Variants in NOS3 observed in about 807,000 individuals in gnomAD.
The protein encoded by NOS3 is nitric oxide synthase 3.
NOS3 carries 98 observed loss-of-function variants against 144.9 expected under a neutral mutation model. The observed-to-expected ratio is 0.68, with a 90% CI of 0.57 to 0.80. The LOEUF is 0.80. Ranked by LOEUF, NOS3 falls within the 30% of genes least tolerant of loss-of-function variation. The pLI is 0.00. For synonymous variants in NOS3, 714 were observed against 702.4 expected, an observed-to-expected ratio of 1.02 and a Z score of -0.26; for missense variants, 1,465 against 1,656.4, an observed-to-expected ratio of 0.88 and a Z score of 2.01.
rs370112157 is a variant in NOS3 at position 151,000,009 on chromosome 7, G to A, written c.1132-489G>A. ...GTGGGTTTGTGGGGTGTGTAGGGGCGAGTGTGAGAGTGTAGGTATGTGGGT... is the reference window on the plus strand; with the variant it reads ...GTGGGTTTGTGGGGTGTGTAGGGGCAAGTGTGAGAGTGTAGGTATGTGGGT... On this transcript the variant is annotated intron_variant, in intron 9 of 26. Transcript: ENST00000297494. 6.9e-5 allele frequency among the ~76,000 whole-genome samples: 10 copies of A among 145,676 alleles called. No homozygotes were observed. In the East Asian group the frequency reaches 2.1e-3, roughly 31 times the overall value.
intron 14 of NOS3, among the ~76,000 whole-genome samples, chr7:151,004,731 A>T (rs917486572): frequency 3.3e-5 from 5 of 152,250 alleles, no homozygotes; most frequent in African/African-American, 9.6e-5. Flanking sequence ...GTTCAGAAAC[A>T]GGCAGAACTA....
At chr7:151,009,742 C>G (rs912935540) in intron 20 of NOS3, among the ~76,000 whole-genome samples, 157 bp downstream of exon 20, 2 of 152,148 alleles carry the variant, frequency 1.3e-5, no homozygotes, top group Non-Finnish European at 2.9e-5. Context: ...TGCCCACTGC[C>G]GGGCTGGCCT....
At chr7:150,994,414 C>G (rs1240739831) in intron 2 of NOS3, among the ~76,000 whole-genome samples, 4 of 152,162 alleles carry the variant, frequency 2.6e-5, no homozygotes, top group Non-Finnish European at 4.4e-5. Flanking sequence ...TGGGGTCTCC[C>G]AGAAGAGGGA....
chr7:150,992,057 G>A (rs1170327969), intron 1 of NOS3, among the ~76,000 whole-genome samples: 1 of 151,706 alleles, frequency 6.6e-6, no homozygotes. Flanking sequence ...GGGAGGCTGA[G>A]GCATGAGAAT....
In NOS3 at chr7:151,009,458, G is replaced by A. The variant is rs776809785; in HGVS notation, c.2385G>A (p.Pro795=). 2.5e-5 allele frequency: 39 copies of A among 1,548,046 alleles called. No homozygotes were observed. Among genetic ancestry groups the A allele is most frequent in the East Asian group, 7.3e-5 (3 of 40,818 alleles). The change falls in exon 20 of 27, where the codon CCG becomes CCA. Residue 795 remains proline (P), a synonymous_variant. Coordinates refer to ENST00000297494, the MANE Select transcript of NOS3 (RefSeq NM_000603.5). The part of the protein sequence containing the change: ...TGGQEGLQYQ[P]GDHIGVCPPN... ...GCCAGGAGGGGCTGCAGTACCAGCC[G>A]GGGGACCACATAGGTGTCTGCCCGC...
Position 151,000,534 on chromosome 7 carries a change from A to G in NOS3, c.1168A>G (p.Thr390Ala). 1 of 1,613,474 alleles carries G rather than the reference A, an allele frequency of 6.2e-7. No individual in the cohort carries two copies. Among genetic ancestry groups the G allele is most frequent in the African/African-American group, 1.3e-5 (1 of 74,984 alleles). Residue 390 changes from threonine (T) to alanine (A), a missense_variant, in exon 10 of 27, where the codon ACC (threonine) becomes GCC (alanine). Around this residue, in one of 5 missense-constraint regions of NOS3, gnomAD observed 745 missense variants for 853.9 expected, o/e 0.87. Coordinates refer to ENST00000297494, the MANE Select transcript of NOS3 (RefSeq NM_000603.5). ...AVCMDLDTRTTSSLWKDKAAV... is the reference protein window; with the variant it reads ...AVCMDLDTRTASSLWKDKAAV... ...CTGCATGGACCTGGATACCCGGACC[A>G]CCTCGTCCCTGTGGAAAGACAAGGC...
Position 151,013,787 on chromosome 7 carries a change from G to T in NOS3, c.3319G>T (p.Glu1107Ter). ...GGAGGTGCACCGCGTGCTGTGCCTCGAGCGGGGCCACATGTTTGTCTGCGG... is the reference window on the plus strand; with the variant it reads ...GGAGGTGCACCGCGTGCTGTGCCTCTAGCGGGGCCACATGTTTGTCTGCGG... ...AAEVHRVLCL[E>*]RGHMFVCGDV... Residue 1107 changes from glutamate (E) to a stop codon, truncating the protein, a stop_gained, in exon 26 of 27, where the codon GAG becomes TAG. Coordinates refer to ENST00000297494, the MANE Select transcript of NOS3 (RefSeq NM_000603.5). LOFTEE classifies it high-confidence loss of function. 2 of 1,611,402 alleles carry T rather than the reference G, an allele frequency of 1.2e-6. No homozygotes were observed. The highest frequency in any genetic ancestry group is 1.7e-6 in the Non-Finnish European group (2 of 1,179,318).
At chr7:151,006,378 G>C (rs769475510) in intron 14 of NOS3, 49 bp from the exon 15 acceptor site, 3 of 1,367,122 alleles carry the variant, frequency 2.2e-6, no homozygotes, top group Non-Finnish European at 3.1e-6. Context: ...CTTCTATGTA[G>C]TTTGAAATGA....
chr7:151,000,175 T>G (rs937494813), intron 9 of NOS3, among the ~76,000 whole-genome samples: 3 of 151,628 alleles, frequency 2.0e-5, no homozygotes, highest in African/African-American at 7.3e-5. Flanking sequence ...GAACATGTAG[T>G]TGTTCTTTCA....
rs1563222778 is a variant in NOS3 at position 151,003,122 on chromosome 7, ACT to A, written c.1752+821_1752+822del. 1 of 449,660 alleles carries A rather than the reference ACT, an allele frequency of 2.2e-6. No individual in the cohort carries two copies. 27.9% of individuals were successfully genotyped at this position (449,660 alleles called of 1,614,324 possible). ...TATTAGCACTAAGTACTTCCTCAGT[ACT>A]CTTTTTTCTTTTTTCCTTTGAGACA... On this transcript the variant is annotated intron_variant, in intron 14 of 26. Coordinates refer to ENST00000297494, the MANE Select transcript of NOS3 (RefSeq NM_000603.5). This position sits in a 1 kb window ranked among gnomAD's most constrained non-coding sequence, Gnocchi z 4.1.
chr7:150,992,323 C>G (rs1802271088), intron 1 of NOS3, among the ~76,000 whole-genome samples: 1 of 152,142 alleles, frequency 6.6e-6, no homozygotes, highest in African/African-American at 2.4e-5. Context: ...GTTGTCTCCT[C>G]CAGCATGGTA....
intron 1 of NOS3, among the ~76,000 whole-genome samples, chr7:150,991,942 G>A (rs1802262783): frequency 6.6e-6 from 1 of 151,486 alleles, no homozygotes; most frequent in South Asian, 2.1e-4. Flanking sequence ...GTTACAGTGA[G>A]CTGAGATAGC....
chr7:151,003,367 C>A lies in NOS3; in HGVS notation c.1752+1063C>A. ...TCTCTAACTCCTGGGTTCAAGCAAT[C>A]CACCTGCCTCGGCCTCCCAAAGTGC... On this transcript the variant is annotated intron_variant, in intron 14 of 26. Coordinates refer to ENST00000297494, the MANE Select transcript of NOS3 (RefSeq NM_000603.5). The surrounding 1 kb of genome is among the most constrained non-coding windows in gnomAD (Gnocchi z 4.1). 8.8e-7 allele frequency: 1 copy of A among 1,135,692 alleles called. No homozygotes were observed. The highest frequency in any genetic ancestry group is 1.2e-6 in the Non-Finnish European group (1 of 861,042). 70.4% of individuals were successfully genotyped at this position (1,135,692 alleles called of 1,614,324 possible). A position where few individuals can be genotyped will look rare whatever the true frequency, so the allele number is the denominator to read the frequency against.
Position 150,996,435 on chromosome 7 carries a change from G to A in NOS3, c.302G>A (p.Gly101Asp). 3.9e-6 allele frequency: 6 copies of A among 1,553,146 alleles called. No homozygotes were observed. The highest frequency in any genetic ancestry group is 5.2e-6 in the Non-Finnish European group (6 of 1,152,122). The change falls in exon 4 of 27, where the codon GGC (glycine) becomes GAC (aspartate). Residue 101 changes from glycine (G) to aspartate (D), a missense_variant. Coordinates refer to ENST00000297494, the MANE Select transcript of NOS3 (RefSeq NM_000603.5). Reference protein sequence around the residue: ...DGPCTPRRCLGSLVFPRKLQG... With the variant: ...DGPCTPRRCLDSLVFPRKLQG... ...CCCTGCACCCCAAGACGCTGCCTGGGCTCCCTGGTATTTCCACGGAAACTA... is the reference window on the plus strand; with the variant it reads ...CCCTGCACCCCAAGACGCTGCCTGGACTCCCTGGTATTTCCACGGAAACTA...
In NOS3 at chr7:151,004,838, ATGTTTGTTTGTT is replaced by A. The variant is rs113307925; in HGVS notation, c.1753-1571_1753-1560del. ...GAAGTTGGCTTCTAGGATGCGGGTA[ATGTTTGTTTGTT>A]TGTTTGTTTGTTTGTTTTTGTTTTT... On this transcript the variant is annotated intron_variant, in intron 14 of 26. Coordinates refer to ENST00000297494, the MANE Select transcript of NOS3 (RefSeq NM_000603.5). 7.1e-3 allele frequency among the ~76,000 whole-genome samples: 1,067 copies of A among 151,170 alleles called. 6 individuals carry two copies. The highest frequency in any genetic ancestry group is 0.024 in the African/African-American group (974 of 41,028).
rs373513247 is a variant in NOS3 at position 150,996,845 on chromosome 7, A to G, written c.502A>G (p.Ser168Gly). ...CACAGGCACCTACCAGCTTAGGGAGAGCGAGCTGGTGTTCGGGGCTAAGCA... is the reference window on the plus strand; with the variant it reads ...CACAGGCACCTACCAGCTTAGGGAGGGCGAGCTGGTGTTCGGGGCTAAGCA... ...AATGTYQLRE[S>G]ELVFGAKQAW... is the part of the protein sequence containing the mutation. Residue 168 changes from serine (S) to glycine (G), a missense_variant, in exon 5 of 27, where the codon AGC becomes GGC. Physicochemically the swap from Ser to Gly is moderately conservative, Grantham distance 56 (BLOSUM62 0). This residue lies in a region of NOS3 where 374 missense variants were observed against 377.0 expected (regional missense o/e 0.99). Coordinates refer to ENST00000297494, the MANE Select transcript of NOS3 (RefSeq NM_000603.5). 244 of 1,607,170 alleles carry G rather than the reference A, an allele frequency of 1.5e-4. No homozygotes were observed. The highest frequency in any genetic ancestry group is 2.0e-4 in the Non-Finnish European group (233 of 1,177,752).
At chr7:151,004,013 T>C (rs1182150270) in intron 14 of NOS3, 9 of 249,020 alleles carry the variant, frequency 3.6e-5, no homozygotes, top group East Asian at 1.3e-4. Flanking sequence ...ATAGGGTAGA[T>C]GCATGTTTAA....
At chr7:150,994,082 G>A (rs1289177600) in intron 2 of NOS3, 121 bp downstream of exon 2, 2 of 1,070,206 alleles carry the variant, frequency 1.9e-6, no homozygotes, top group Non-Finnish European at 2.7e-6. Flanking sequence ...AAATGCAAAA[G>A]GGCTATTAAT....
At chr7:151,009,312 C>T (rs1232238977) in intron 19 of NOS3, 45 bp downstream of exon 19, 2 of 1,466,082 alleles carry the variant, frequency 1.4e-6, no homozygotes, top group East Asian at 2.4e-5. Context: ...GTCCTGAACA[C>T]CCTGACCCTG....
Sources: gnomAD v4.1 joint callset for allele counts (sites outside exome capture counted in the v4.1 genomes callset) on GRCh38, gnomAD v4.1.1 for gene constraint, gnomAD v4.1.1 regional missense constraint, Gnocchi (gnomAD v3.1) non-coding constraint, MANE v1.5 for transcripts, NCBI Gene and HGNC (gene_info 2026-07-23, HGNC 2026-07-21) for gene names.